PSG11: variants seen among roughly 807,000 people sequenced by gnomAD.
The protein encoded by PSG11 is pregnancy specific beta-1-glycoprotein 11, also known as pregnancy-specific beta-1-glycoprotein 11.
Under a neutral mutation model 36.0 loss-of-function variants are expected in PSG11, and 42 were observed. That is an observed-to-expected ratio of 1.17 (90% confidence interval 0.91 to 1.51). PSG11 has a LOEUF of 1.51. Ranked by LOEUF, PSG11 falls within the 40% of genes most tolerant of loss-of-function variation. The probability of loss-of-function intolerance (pLI) is 0.00; values close to 1 mark genes in which losing one functional copy is unlikely to be tolerated. For missense variants in PSG11, 558 were observed against 403.5 expected (o/e 1.38, Z -3.28); for synonymous variants, 206 against 153.5 (o/e 1.34, Z -2.53).
chr19:43,015,388 A>C lies in PSG11; in HGVS notation c.710-18T>G. ...TGGACCATCTGGAGGAAAGAGAATAAAGCCACAGTTGATGTCATCTGAGGG... is the reference window on the plus strand; with the variant it reads ...TGGACCATCTGGAGGAAAGAGAATACAGCCACAGTTGATGTCATCTGAGGG... On this transcript the variant is annotated intron_variant, in intron 3 of 5. Transcript: ENST00000320078. 6.2e-7 allele frequency: 1 copy of C among 1,602,290 alleles called. No individual in the cohort carries two copies. Among genetic ancestry groups the C allele is most frequent in the Non-Finnish European group, 8.5e-7 (1 of 1,173,700 alleles).
chr19:43,013,538 A>G (rs11669224), intron 4 of PSG11, among the ~76,000 whole-genome samples: 70,222 of 150,782 alleles, frequency 0.47, 17,994 homozygotes, highest in East Asian at 0.99. Flanking sequence ...TTAGAGATAT[A>G]CAAATCAAAA....
At position 43,026,318 on chromosome 19, in the gene PSG11, G is replaced by A. The variant is rs771588223; in HGVS notation, c.55C>T (p.Leu19=). 2 of 1,610,862 alleles carry A rather than the reference G, an allele frequency of 1.2e-6. No homozygotes were observed. The highest frequency in any genetic ancestry group is 8.5e-7 in the Non-Finnish European group (1 of 1,178,650). ...CTEHIKWKGL[L]LTALLLNFWN... Reference sequence around the variant, plus strand: ...GAAGTTCTCTCCTCACCTGTGAGCAGGAGCCCCTTCCATTTGATGTGCTCT... The same window carrying A: ...GAAGTTCTCTCCTCACCTGTGAGCAAGAGCCCCTTCCATTTGATGTGCTCT... Residue 19 remains leucine (L), a synonymous_variant, in exon 1 of 6, where the codon CTG becomes TTG. Transcript: ENST00000320078.
intron 4 of PSG11, chr19:43,014,413 C>A: frequency 1.1e-6 from 1 of 948,914 alleles, no homozygotes; most frequent in Non-Finnish European, 1.3e-6. Flanking sequence ...GTGCCCACAG[C>A]CTCATACAGC....
chr19:43,019,259 T>C lies in PSG11; in HGVS notation c.431-211A>G, dbSNP rs1165143638. On this transcript the variant is annotated intron_variant, in intron 2 of 5. Transcript: ENST00000320078. ...GCTTTATGTGGGAGAAGCACAGACT[T>C]TCTCAGGTGTGAATTGAGCAGCAGC... The C allele has an allele frequency of 1.4e-5, 16 of 1,110,742 alleles. No homozygotes were observed. In the East Asian group the frequency reaches 4.3e-4, roughly 30 times the overall value. The allele number at this position is 1,110,742 out of a possible 1,614,324, so 68.8% of individuals were successfully genotyped here. A position where few individuals can be genotyped will look rare whatever the true frequency, so the allele number is the denominator to read the frequency against.
chr19:43,008,282 AT>A (rs530821574), intron 5 of PSG11, among the ~76,000 whole-genome samples: 58 of 150,798 alleles, frequency 3.8e-4, no homozygotes, highest in Non-Finnish European at 6.6e-4. Flanking sequence ...ATTTTTTTAA[AT>A]TTTTTTTGAG....
rs555688504 is a variant in PSG11, at chr19:43,016,848, A to C, written c.710-1478T>G. ...ACCATGTGGATCTTTCCAGAAATAC[A>C]TGTGGACATTTGCAAATGCAGAACT... On this transcript the variant is annotated intron_variant, in intron 3 of 5. Coordinates refer to ENST00000320078, the MANE Select transcript of PSG11 (RefSeq NM_002785.3). Among the ~76,000 whole-genome samples, 18 of 151,612 alleles carry C rather than the reference A, an allele frequency of 1.2e-4. 2 individuals are homozygous for C. Among genetic ancestry groups the C allele is most frequent in the African/African-American group, 4.4e-4 (18 of 41,204 alleles).
At chr19:43,020,536 A>G (rs1424757888) in intron 2 of PSG11, among the ~76,000 whole-genome samples, 1 of 151,512 alleles carries the variant, frequency 6.6e-6, no homozygotes, top group Non-Finnish European at 1.5e-5. Flanking sequence ...TGTTTTCATA[A>G]GTGGAAATTT....
chr19:43,025,250 C>G, intron 1 of PSG11, 194 bp from the exon 2 acceptor site: 3 of 1,065,282 alleles, frequency 2.8e-6, no homozygotes, highest in Non-Finnish European at 4.0e-6. Context: ...GTGTGTTCTA[C>G]TGTCCTACTA....
rs1974031328 is a variant in PSG11 at position 43,009,947 on chromosome 19, G to A, written c.*40+11C>T. The A allele has an allele frequency of 7.7e-6, 12 of 1,549,512 alleles. No individual in the cohort carries two copies. In the Admixed American group the frequency reaches 2.0e-4, roughly 26 times the overall value. On this transcript the variant is annotated intron_variant, in intron 5 of 5. Transcript: ENST00000320078. ...CTGCAGGAACCAGGATAAGAGAAAAGGTCATCATACCTGCCAGTCTTCCTG... is the reference window on the plus strand; with the variant it reads ...CTGCAGGAACCAGGATAAGAGAAAAAGTCATCATACCTGCCAGTCTTCCTG...
Position 43,023,237 on chromosome 19 carries a change from A to C in PSG11, c.430+1454T>G, listed in dbSNP as rs544422895. 2.2e-3 allele frequency among the ~76,000 whole-genome samples: 324 copies of C among 150,200 alleles called. 7 individuals are homozygous for C. The highest frequency in any genetic ancestry group is 0.011 in the South Asian group (50 of 4,694). On this transcript the variant is annotated intron_variant, in intron 2 of 5. Coordinates refer to ENST00000320078, the MANE Select transcript of PSG11 (RefSeq NM_002785.3). Reference sequence around the variant, plus strand: ...AAGGACAAGGGACAGGTGTGGCTAGAACCTCCTAGGATTCTGCATTCAAGA... The same window carrying C: ...AAGGACAAGGGACAGGTGTGGCTAGCACCTCCTAGGATTCTGCATTCAAGA...
rs771502450 is a variant in PSG11, at chr19:43,019,003, C to T, written c.476G>A (p.Arg159Lys). ...TAAGATCACAGTCTCCATGGCCTCC[C>T]TGGGGTTTAAGTTGCTGCTGGAGAT... ...PSISSSNLNPREAMETVILTC... is the reference protein window; with the variant it reads ...PSISSSNLNPKEAMETVILTC... The change falls in exon 3 of 6, where the codon AGG becomes AAG. Residue 159 changes from arginine (R) to lysine (K), a missense_variant. Transcript: ENST00000320078. The T allele has an allele frequency of 2.1e-5, 34 of 1,611,974 alleles. No individual in the cohort carries two copies. In the East Asian group the frequency reaches 4.0e-4, roughly 19 times the overall value.
At chr19:43,008,634 C>A (rs1211845476) in intron 5 of PSG11, among the ~76,000 whole-genome samples, 11 of 151,244 alleles carry the variant, frequency 7.3e-5, no homozygotes, top group Non-Finnish European at 4.4e-5. Context: ...TTTAGCATCA[C>A]TTATCCCTTA....
At chr19:43,015,494 T>C in intron 3 of PSG11, 124 bp from the exon 4 acceptor site, 1 of 1,375,448 alleles carries the variant, frequency 7.3e-7, no homozygotes, top group Non-Finnish European at 9.9e-7. Flanking sequence ...CCAAACCCCC[T>C]CTATGTTCAC....
chr19:43,022,378 T>C (rs1371378427), intron 2 of PSG11, among the ~76,000 whole-genome samples: 1 of 151,180 alleles, frequency 6.6e-6, no homozygotes, highest in African/African-American at 2.4e-5. Flanking sequence ...AGAGGCAGAT[T>C]CAAGCACAAA....
At chr19:43,008,702 C>A (rs1973994761) in intron 5 of PSG11, among the ~76,000 whole-genome samples, 2 of 151,262 alleles carry the variant, frequency 1.3e-5, no homozygotes, top group South Asian at 4.2e-4. Flanking sequence ...TTCCATTCAG[C>A]TTCTGTTTCT....
chr19:43,023,121 CT>C (rs1967143882), intron 2 of PSG11, among the ~76,000 whole-genome samples: 1 of 150,604 alleles, frequency 6.6e-6, no homozygotes, highest in Non-Finnish European at 1.5e-5. Flanking sequence ...CGAGAACCCT[CT>C]GGTGGCCAAA....
rs1190348681 is a variant in PSG11, at chr19:43,026,351, G to A, written c.22C>T (p.Pro8Ser). 1 of 1,610,678 alleles carries A rather than the reference G, an allele frequency of 6.2e-7. No homozygotes were observed. Among genetic ancestry groups the A allele is most frequent in the Admixed American group, 1.7e-5 (1 of 59,802 alleles). The change falls in exon 1 of 6, where the codon CCC (proline) becomes TCC (serine). Residue 8 changes from proline (P) to serine (S), a missense_variant. By Grantham distance (74) the Pro-to-Ser change is moderately conservative (BLOSUM62 -1). Transcript: ENST00000320078. ...TTCCATTTGATGTGCTCTGTGCAGG[G>A]AGGGGCTGAGAGGGGCCCCATGATC... MGPLSAPPCTEHIKWKGL... is the reference protein window; with the variant it reads MGPLSAPSCTEHIKWKGL...
rs1966925958 is a variant in PSG11, at chr19:43,015,124, C to T, written c.956G>A (p.Arg319Lys). The part of the protein sequence containing the change: ...GEESSTSLTI[R>K]VIAPPGLGTF... ...TGCTGGGATCCACTTACCAATGACT[C>T]TGATTGTCAAGGATGTGGAGCTTTC... The change falls in exon 4 of 6, where the codon AGA becomes AAA. Residue 319 changes from arginine to lysine, a missense_variant. Coordinates refer to ENST00000320078, the MANE Select transcript of PSG11 (RefSeq NM_002785.3). 6.2e-7 allele frequency: 1 copy of T among 1,611,960 alleles called. No homozygotes were observed. Among genetic ancestry groups the T allele is most frequent in the Non-Finnish European group, 8.5e-7 (1 of 1,178,968 alleles).
At chr19:43,014,345 C>G in intron 4 of PSG11, 1 of 918,004 alleles carries the variant, frequency 1.1e-6, no homozygotes, top group Non-Finnish European at 1.3e-6. Context: ...AGGGGTGAAT[C>G]TTCCTATTTC....
Sources: allele counts gnomAD v4.1 joint callset (sites outside exome capture counted in the v4.1 genomes callset), GRCh38; gene constraint gnomAD v4.1.1; transcripts MANE v1.5; gene names NCBI Gene and HGNC (gene_info 2026-07-23, HGNC 2026-07-21).